The following EPS8 variants were observed in gnomAD, a reference collection of about 807,000 sequenced individuals.
EPS8 encodes EGFR pathway substrate 8, signaling adaptor, also known as epidermal growth factor receptor kinase substrate 8.
In EPS8, 42 loss-of-function variants were observed where a neutral mutation model predicts 103.8. That is an observed-to-expected ratio of 0.40 (90% CI 0.32 to 0.52). EPS8 has a LOEUF of 0.52. EPS8 is among the 20% of genes least tolerant of loss of function. The pLI is 0.40. For missense variants in EPS8, 969 were observed against 1,005.1 expected (o/e 0.96, Z 0.49); for synonymous variants, 344 against 344.6 (o/e 1.00, Z 0.02).
At chr12:15,770,225 G>A (rs1178134250) in intron 1 of EPS8, among the ~76,000 whole-genome samples, 3 of 142,540 alleles carry the variant, frequency 2.1e-5, no homozygotes, top group African/African-American at 7.9e-5. Flanking sequence ...GGAGCTCGAG[G>A]CTGCAGTGAG....
rs1422353934 is a variant in EPS8 at position 15,748,285 on chromosome 12, A to C, written c.-22+40876T>G. Among the ~76,000 whole-genome samples, 1 of 152,232 alleles carries C rather than the reference A, an allele frequency of 6.6e-6. No homozygotes were observed. The highest frequency in any genetic ancestry group is 2.4e-5 in the African/African-American group (1 of 41,452). On this transcript the variant is annotated intron_variant, in intron 1 of 20. Coordinates refer to ENST00000281172, the MANE Select transcript of EPS8 (RefSeq NM_004447.6). This position sits in a 1 kb window ranked among gnomAD's most constrained non-coding sequence, Gnocchi z 4.8. ...AACTTCGAAATTCTTCACAAATATC[A>C]ATTAAAATATTATGAAGTAATATTC...
chr12:15,748,452 CTTGT>C lies in EPS8; in HGVS notation c.-22+40705_-22+40708del, dbSNP rs1273743563. On this transcript the variant is annotated intron_variant, in intron 1 of 20. Coordinates refer to ENST00000281172, the MANE Select transcript of EPS8 (RefSeq NM_004447.6). The surrounding 1 kb of genome is among the most constrained non-coding windows in gnomAD (Gnocchi z 4.8). ...TTTCTAAGTCTGGGTTTTTACACAT[CTTGT>C]TTTTTTTTAAAGTAGGACACACAAA... 1.3e-5 allele frequency among the ~76,000 whole-genome samples: 2 copies of C among 151,800 alleles called. No individual in the cohort carries two copies. The highest frequency in any genetic ancestry group is 4.9e-5 in the African/African-American group (2 of 41,222).
In EPS8 at chr12:15,752,654, G is replaced by A. The variant is rs1017893282; in HGVS notation, c.-22+36507C>T. Among the ~76,000 whole-genome samples, 9 of 151,956 alleles carry A rather than the reference G, an allele frequency of 5.9e-5. No individual in the cohort carries two copies. Among genetic ancestry groups the A allele is most frequent in the Admixed American group, 2.0e-4 (3 of 15,262 alleles). On this transcript the variant is annotated intron_variant, in intron 1 of 20. Coordinates refer to ENST00000281172, the MANE Select transcript of EPS8 (RefSeq NM_004447.6). This position sits in a 1 kb window ranked among gnomAD's most constrained non-coding sequence, Gnocchi z 4.4. ...TATAATTGTAATAACCAATGGGTAT[G>A]ATTTCCCTTCTCCTGCTCAGGAGGT...
In EPS8 at chr12:15,639,769, T is replaced by A. The variant is rs554961084; in HGVS notation, c.1821+934A>T. 3.3e-5 allele frequency among the ~76,000 whole-genome samples: 5 copies of A among 152,336 alleles called. No individual in the cohort carries two copies. In the South Asian group the frequency reaches 1.0e-3, roughly 32 times the overall value. On this transcript the variant is annotated intron_variant, in intron 17 of 20. Transcript: ENST00000281172. ...CAGCTTTGGACAATCTGTATTTTTT[T>A]AAGCCTAGATCTGGCATAAAAATTA...
chr12:15,783,726 A>AG (rs1361925649), intron 1 of EPS8, among the ~76,000 whole-genome samples: 3 of 151,712 alleles, frequency 2.0e-5, no homozygotes, highest in Non-Finnish European at 4.4e-5. Context: ...AAAAAAAAAA[A>AG]AAAAAAAAAG....
At chr12:15,741,570 G>A (rs967901297) in intron 1 of EPS8, among the ~76,000 whole-genome samples, 4 of 152,142 alleles carry the variant, frequency 2.6e-5, no homozygotes, top group Non-Finnish European at 5.9e-5. Context: ...GACTTTGTGA[G>A]GGCAACAAAA....
At chr12:15,667,060 C>T (rs886180575) in intron 6 of EPS8, among the ~76,000 whole-genome samples, 1 of 152,172 alleles carries the variant, frequency 6.6e-6, no homozygotes, top group African/African-American at 2.4e-5. Flanking sequence ...ATTAACTTTT[C>T]CACTACTTTT....
chr12:15,726,416 C>T (rs1415490417), intron 1 of EPS8, among the ~76,000 whole-genome samples: 1 of 152,086 alleles, frequency 6.6e-6, no homozygotes, highest in East Asian at 1.9e-4. Context: ...GAGGAAAGCA[C>T]TGGCTCAGAA....
At chr12:15,783,043 A>T (rs1394416804) in intron 1 of EPS8, among the ~76,000 whole-genome samples, 2 of 152,210 alleles carry the variant, frequency 1.3e-5, no homozygotes, top group African/African-American at 4.8e-5. Context: ...TGCTCCCAAG[A>T]AACAGAGAAA....
rs537069281 is a variant in EPS8 at position 15,623,220 on chromosome 12, T to C, written c.2293A>G (p.Thr765Ala). 2 of 1,613,502 alleles carry C rather than the reference T, an allele frequency of 1.2e-6. No individual in the cohort carries two copies. Among genetic ancestry groups the C allele is most frequent in the African/African-American group, 1.3e-5 (1 of 74,964 alleles). The change falls in exon 20 of 21, where the codon ACA becomes GCA. Residue 765 changes from threonine to alanine, a missense_variant. Coordinates refer to ENST00000281172, the MANE Select transcript of EPS8 (RefSeq NM_004447.6). The stretch of plus-strand genomic sequence containing the variant: ...ACTCTCGCCCCTTCAGGGCAGACTG[T>C]CCTCAGTTCATCCTTATTGAGAGAG... ...LFSLNKDELR[T>A]VCPEGARVYS...
At chr12:15,758,294 C>T (rs887336511) in intron 1 of EPS8, among the ~76,000 whole-genome samples, 4 of 152,136 alleles carry the variant, frequency 2.6e-5, no homozygotes, top group Non-Finnish European at 5.9e-5. Flanking sequence ...ATACAATCTG[C>T]CACAACCTGA....
At chr12:15,685,434 T>A (rs570798311) in intron 1 of EPS8, among the ~76,000 whole-genome samples, 1 of 152,340 alleles carries the variant, frequency 6.6e-6, no homozygotes, top group African/African-American at 2.4e-5. Flanking sequence ...GGGTTTGTGC[T>A]GATTTTGATC....
chr12:15,757,872 C>T lies in EPS8; in HGVS notation c.-22+31289G>A, dbSNP rs1947003824. 6.6e-6 allele frequency among the ~76,000 whole-genome samples: 1 copy of T among 152,208 alleles called. No individual in the cohort carries two copies. On this transcript the variant is annotated intron_variant, in intron 1 of 20. Coordinates refer to ENST00000281172, the MANE Select transcript of EPS8 (RefSeq NM_004447.6). This position sits in a 1 kb window ranked among gnomAD's most constrained non-coding sequence, Gnocchi z 4.1. Reference sequence around the variant, plus strand: ...GAAGAACAATAGCGTAAGGTACTAGCTCTCACAGTTTCTTTGCATCAAGAA... The same window carrying T: ...GAAGAACAATAGCGTAAGGTACTAGTTCTCACAGTTTCTTTGCATCAAGAA...
At chr12:15,676,047 C>A (rs898040100) in intron 3 of EPS8, among the ~76,000 whole-genome samples, 3 of 151,908 alleles carry the variant, frequency 2.0e-5, no homozygotes, top group African/African-American at 7.2e-5. Context: ...CGGAGGCGGG[C>A]AGATCTCAAG....
At position 15,697,986 on chromosome 12, in the gene EPS8, C is replaced by G. The variant is rs1946263921; in HGVS notation, c.-21-15014G>C. On this transcript the variant is annotated intron_variant, in intron 1 of 20. Coordinates refer to ENST00000281172, the MANE Select transcript of EPS8 (RefSeq NM_004447.6). The surrounding 1 kb of genome is among the most constrained non-coding windows in gnomAD (Gnocchi z 5.6). Reference sequence around the variant, plus strand: ...GTTCATGTCTATTACAGAAATTTCTCTATGGGAACATATTTCCAGTTGTAT... The same window carrying G: ...GTTCATGTCTATTACAGAAATTTCTGTATGGGAACATATTTCCAGTTGTAT... Among the ~76,000 whole-genome samples the G allele has an allele frequency of 6.6e-6, 1 of 152,094 alleles. No individual in the cohort carries two copies. The highest frequency in any genetic ancestry group is 2.1e-4 in the South Asian group (1 of 4,818).
In EPS8 at chr12:15,728,543, G is replaced by C. The variant is rs1031470668; in HGVS notation, c.-21-45571C>G. Among the ~76,000 whole-genome samples the C allele has an allele frequency of 1.3e-5, 2 of 152,174 alleles. No individual in the cohort carries two copies. The highest frequency in any genetic ancestry group is 4.8e-5 in the African/African-American group (2 of 41,452). On this transcript the variant is annotated intron_variant, in intron 1 of 20. Transcript: ENST00000281172. This position sits in a 1 kb window ranked among gnomAD's most constrained non-coding sequence, Gnocchi z 4.5. ...TCTCCCGGGTGCTGAGTCATTAATA[G>C]AATTTGAAGAGTCAGGCATTGCTCC... is the stretch of plus-strand genomic sequence containing the variant.
At chr12:15,770,761 G>C (rs751133677) in intron 1 of EPS8, among the ~76,000 whole-genome samples, 2 of 152,154 alleles carry the variant, frequency 1.3e-5, no homozygotes, top group Non-Finnish European at 2.9e-5. Flanking sequence ...CCATGATTAA[G>C]CTTTTTCAGA....
At chr12:15,712,520 T>C (rs1946478910) in intron 1 of EPS8, among the ~76,000 whole-genome samples, 1 of 152,226 alleles carries the variant, frequency 6.6e-6, no homozygotes, top group African/African-American at 2.4e-5. Context: ...ATTCCCAATC[T>C]GTAATAGTCA....
At chr12:15,739,201 C>A (rs1946795326) in intron 1 of EPS8, among the ~76,000 whole-genome samples, 1 of 152,072 alleles carries the variant, frequency 6.6e-6, no homozygotes, top group Non-Finnish European at 1.5e-5. Flanking sequence ...AAAGAGGTTA[C>A]AAAAAATGTT....
Sources: gnomAD v4.1 joint callset for allele counts (sites outside exome capture counted in the v4.1 genomes callset) on GRCh38, gnomAD v4.1.1 for gene constraint, Gnocchi (gnomAD v3.1) non-coding constraint, MANE v1.5 for transcripts, NCBI Gene and HGNC (gene_info 2026-07-23, HGNC 2026-07-21) for gene names.